MBTD1: variants seen among roughly 807,000 people sequenced by gnomAD.
The protein encoded by MBTD1 is mbt domain containing 1, also known as MBT domain-containing protein 1.
Under a neutral mutation model 87.8 loss-of-function variants are expected in MBTD1, and 24 were observed. The observed-to-expected ratio is 0.27, with a 90% confidence interval of 0.20 to 0.38. The LOEUF is 0.38. Among genes scored for constraint, MBTD1 ranks in the 10% least tolerant of loss-of-function variants. The pLI, the probability that MBTD1 is intolerant of heterozygous loss-of-function variation, is 1.00. For synonymous variants in MBTD1, 237 were observed against 248.6 expected, an observed-to-expected ratio of 0.95 and a Z score of 0.44; for missense variants, 436 against 760.2, an observed-to-expected ratio of 0.57 and a Z score of 5.02.
At chr17:51,260,174 C>G, upstream of MBTD1, 1 of 381,738 alleles carries the variant, frequency 2.6e-6, no homozygotes, top group Non-Finnish European at 4.7e-6. Flanking sequence ...CTCCAAGGAC[C>G]GTACCAAGAC....
intron 16 of MBTD1, among the ~76,000 whole-genome samples, chr17:51,187,817 C>T (rs570154257): frequency 6.6e-6 from 1 of 150,434 alleles, no homozygotes; most frequent in South Asian, 2.1e-4. Flanking sequence ...CCACTGCACT[C>T]CAGCCTGGGA....
intron 3 of MBTD1, among the ~76,000 whole-genome samples, chr17:51,222,497 C>T (rs1377465167): frequency 1.1e-4 from 17 of 152,070 alleles, no homozygotes; most frequent in African/African-American, 3.6e-4. Flanking sequence ...CTCCGCCTTC[C>T]GGATTCAAGC....
intron 2 of MBTD1, among the ~76,000 whole-genome samples, chr17:51,233,184 T>C (rs887355559): frequency 2.0e-5 from 3 of 150,198 alleles, no homozygotes; most frequent in African/African-American, 7.3e-5. Context: ...ATAGTAAAAC[T>C]GCAGAACATC....
At position 51,225,526 on chromosome 17, in the gene MBTD1, G is replaced by GT. The variant is rs57075455; in HGVS notation, c.-48-318dup. On this transcript the variant is annotated intron_variant, in intron 2 of 16. Transcript: ENST00000586178. ...GCCACCATCCCATAAACATTTTTGT[G>GT]TTTTTTTTTTTGTAGAGATGGGGTT... Among the ~76,000 whole-genome samples, 907 of 143,350 alleles carry GT rather than the reference G, an allele frequency of 6.3e-3. 9 individuals are homozygous for GT. Among genetic ancestry groups the GT allele is most frequent in the African/African-American group, 0.018 (698 of 39,242 alleles). 94.0% of individuals were successfully genotyped at this position (143,350 alleles called of 152,430 possible).
Position 51,202,876 on chromosome 17 carries a change from CTT to C in MBTD1, c.886_887del (p.Lys296GlufsTer24), listed in dbSNP as rs1401501611. On this transcript the variant is annotated frameshift_variant, in exon 10 of 17. Coordinates refer to ENST00000586178, the MANE Select transcript of MBTD1 (RefSeq NM_017643.3). LOFTEE classifies it high-confidence loss of function. ...CTACTCGTGTTCGACACAAATGCCT[CTT>C]GTCAACCACTTCTACTCTCATGCAA... is the stretch of plus-strand genomic sequence containing the variant. ...KPCMRVEVVD[K>X]RHLCRTRVAV... 1 of 1,614,162 alleles carries C rather than the reference CTT, an allele frequency of 6.2e-7. No homozygotes were observed. The highest frequency in any genetic ancestry group is 8.5e-7 in the Non-Finnish European group (1 of 1,180,024).
chr17:51,242,527 G>A (rs978278970), intron 2 of MBTD1, among the ~76,000 whole-genome samples: 1 of 152,170 alleles, frequency 6.6e-6, no homozygotes, highest in African/African-American at 2.4e-5. Context: ...TTATTTCAAT[G>A]TGGTTGTTAC....
chr17:51,216,399 T>C (rs1008128227), intron 6 of MBTD1, among the ~76,000 whole-genome samples: 2 of 152,178 alleles, frequency 1.3e-5, no homozygotes, highest in Admixed American at 1.3e-4. Context: ...TCTAAAGGAA[T>C]AAAATAATCA....
At chr17:51,240,774 C>T (rs1271642184) in intron 2 of MBTD1, among the ~76,000 whole-genome samples, 3 of 152,096 alleles carry the variant, frequency 2.0e-5, no homozygotes, top group East Asian at 1.9e-4. Flanking sequence ...GTTATATACT[C>T]CCCTTCTTGA....
At position 51,179,530 on chromosome 17, in the gene MBTD1, A is replaced by ATATT. The variant is rs2050231227; in HGVS notation, c.*1045_*1046insAATA. ...TATATATATATATATATATATATAT[A>ATATT]TATATATGGAATTTTAAGAAAATTA... On this transcript the variant is annotated 3_prime_UTR_variant, in exon 17 of 17. Transcript: ENST00000586178. 9.6e-6 allele frequency: 1 copy of ATATT among 104,616 alleles called. No individual in the cohort carries two copies. The highest frequency in any genetic ancestry group is 3.1e-5 in the African/African-American group (1 of 32,526). The allele number at this position is 104,616 out of a possible 1,614,324, so 6.5% of individuals were successfully genotyped here.
intron 2 of MBTD1, among the ~76,000 whole-genome samples, chr17:51,241,437 GTC>G (rs2054154900): frequency 6.6e-6 from 1 of 152,126 alleles, no homozygotes; most frequent in Admixed American, 6.5e-5. Flanking sequence ...TTCTTGCCCA[GTC>G]TCTCACTGTG....
chr17:51,200,521 T>C (rs1030243894), intron 12 of MBTD1, among the ~76,000 whole-genome samples: 7 of 136,854 alleles, frequency 5.1e-5, no homozygotes, highest in East Asian at 2.1e-4. Context: ...GATCACGCCA[T>C]TGCACTACAG....
chr17:51,225,329 A>AC, intron 2 of MBTD1, 120 bp from the exon 3 acceptor site: 2 of 469,268 alleles, frequency 4.3e-6, no homozygotes, highest in Non-Finnish European at 7.2e-6. Context: ...CTGAGAAATA[A>AC]CCATTTTCTT....
intron 6 of MBTD1, among the ~76,000 whole-genome samples, chr17:51,212,764 A>G (rs1014570770): frequency 1.3e-5 from 2 of 152,228 alleles, no homozygotes; most frequent in African/African-American, 2.4e-5. Context: ...TTATTTATCT[A>G]TTTATTTTTG....
rs1232521568 is a variant in MBTD1 at position 51,249,027 on chromosome 17, G to C, written c.-49+10116C>G. Reference sequence around the variant, plus strand: ...GCACTATGGGAGGCCAAGGCAGGAAGACTGCTTGAGCCCAAGAGTTTGAGA... The same window carrying C: ...GCACTATGGGAGGCCAAGGCAGGAACACTGCTTGAGCCCAAGAGTTTGAGA... On this transcript the variant is annotated intron_variant, in intron 2 of 16. Coordinates refer to ENST00000586178, the MANE Select transcript of MBTD1 (RefSeq NM_017643.3). 1.1e-4 allele frequency among the ~76,000 whole-genome samples: 17 copies of C among 151,914 alleles called. No homozygotes were observed. The East Asian group carries it at 3.1e-3, about 28-fold the overall frequency.
intron 5 of MBTD1, among the ~76,000 whole-genome samples, chr17:51,217,859 G>T (rs1227422541): frequency 1.3e-5 from 2 of 151,980 alleles, no homozygotes; most frequent in Admixed American, 1.3e-4. Context: ...CACCTGTCTT[G>T]GCCCTGGGAT....
At chr17:51,259,274 C>A (rs1217809205) in intron 1 of MBTD1, 68 bp from the exon 2 acceptor site, 5 of 1,231,440 alleles carry the variant, frequency 4.1e-6, no homozygotes, top group Non-Finnish European at 5.1e-6. Flanking sequence ...CGACTTGAAA[C>A]CCTTTTAAAT....
chr17:51,211,566 C>T (rs936296226), intron 6 of MBTD1, among the ~76,000 whole-genome samples: 1 of 151,424 alleles, frequency 6.6e-6, no homozygotes, highest in African/African-American at 2.4e-5. Context: ...ACTGCTTTCC[C>T]GCAGAGAGTT....
At chr17:51,260,685 G>T, upstream of MBTD1, 2 of 1,608,218 alleles carry the variant, frequency 1.2e-6, no homozygotes. Flanking sequence ...GCCGGAGCGG[G>T]GCCAGGCGGG....
chr17:51,221,926 G>A (rs1226717787), intron 3 of MBTD1, among the ~76,000 whole-genome samples: 4 of 152,086 alleles, frequency 2.6e-5, no homozygotes, highest in African/African-American at 9.7e-5. Flanking sequence ...AAATCTATGA[G>A]AAATCATGGA....
Sources: allele counts gnomAD v4.1 joint callset (sites outside exome capture counted in the v4.1 genomes callset), GRCh38; gene constraint gnomAD v4.1.1; transcripts MANE v1.5; gene names NCBI Gene and HGNC (gene_info 2026-07-23, HGNC 2026-07-21).